REPS2: variants seen among roughly 807,000 people sequenced by gnomAD.
The protein encoded by REPS2 is ralBP1-associated Eps domain-containing protein 2.
REPS2 carries 23 observed loss-of-function variants against 53.6 expected under a neutral mutation model. The ratio of observed to expected loss-of-function variants is 0.43; its 90% CI spans 0.31 to 0.61. The LOEUF is 0.61. Ranked by LOEUF, REPS2 falls within the 20% of genes least tolerant of loss-of-function variation. The pLI, the probability that REPS2 is intolerant of heterozygous loss-of-function variation, is 0.11. For synonymous variants in REPS2, 238 were observed against 218.6 expected (o/e 1.09, Z -0.78); for missense variants, 446 against 534.9 (o/e 0.83, Z 1.64).
intron 1 of REPS2, among the ~76,000 whole-genome samples, chrX:16,988,591 C>T (rs1392186853): frequency 9.1e-6 from 1 of 109,447 alleles, no homozygotes; most frequent in Non-Finnish European, 1.9e-5. Flanking sequence ...AAATCAAAGT[C>T]TAAATAGATG....
chrX:16,947,563 G>T (rs1369679778), intron 1 of REPS2, among the ~76,000 whole-genome samples: 1 of 111,853 alleles, frequency 8.9e-6, no homozygotes. Flanking sequence ...CAACTTGAAG[G>T]GTGTGTGTGT....
In REPS2 at chrX:17,077,418, C is replaced by T. The variant is rs775606276; in HGVS notation, c.1516+11C>T. ...AGCCCAGTGTGCCAGGTGAAGTGCC[C>T]CTTGCCCCCTGAGCCCTTCCATTTC... On this transcript the variant is annotated intron_variant, in intron 13 of 17. Coordinates refer to ENST00000357277, the MANE Select transcript of REPS2 (RefSeq NM_004726.3). 3.4e-6 allele frequency: 4 copies of T among 1,182,815 alleles called. No individual in the cohort carries two copies. In the South Asian group the frequency reaches 7.7e-5, roughly 23 times the overall value.
intron 17 of REPS2, among the ~76,000 whole-genome samples, chrX:17,139,523 C>T (rs954750958): frequency 4.5e-5 from 5 of 111,136 alleles, no homozygotes; most frequent in Non-Finnish European, 9.4e-5. Context: ...TTACTCTCCC[C>T]TGTGTTAGTT....
the REPS2 span, among the ~76,000 whole-genome samples, chrX:17,191,058 T>G: frequency 9.0e-6 from 1 of 111,514 alleles, no homozygotes; most frequent in East Asian, 2.8e-4. Context: ...CAAGGAGTCC[T>G]TAGACACGAC....
intron 8 of REPS2, among the ~76,000 whole-genome samples, chrX:17,059,299 GT>G (rs1238336117): frequency 1.7e-3 from 133 of 77,905 alleles, no homozygotes; most frequent in Middle Eastern, 8.2e-3. Context: ...CCGGCCTAGT[GT>G]TTTTTTTTTT....
intron 16 of REPS2, chrX:17,136,631 A>G (rs1470852585): frequency 8.9e-6 from 1 of 112,304 alleles, no homozygotes; most frequent in Non-Finnish European, 1.9e-5. Context: ...CTTTTTTATA[A>G]CAGCTTTATT....
intron 17 of REPS2, among the ~76,000 whole-genome samples, chrX:17,142,516 C>G (rs2063459398): frequency 9.0e-6 from 1 of 111,515 alleles, no homozygotes; most frequent in South Asian, 3.7e-4. Flanking sequence ...CTCTCAAAAC[C>G]AAAGCATCTC....
At position 17,080,500 on chromosome X, in the gene REPS2, T is replaced by A. The variant is rs771302076; in HGVS notation, c.1516+3093T>A. Among the ~76,000 whole-genome samples the A allele has an allele frequency of 1.3e-4, 14 of 111,707 alleles. No homozygotes were observed. In the South Asian group the frequency reaches 4.5e-3, roughly 36 times the overall value. On this transcript the variant is annotated intron_variant, in intron 13 of 17. Transcript: ENST00000357277. ...ATTAATAATTTCATGTCCGTATCTTTGTTTCATCATCTAATTATTTTCTTA... is the reference window on the plus strand; with the variant it reads ...ATTAATAATTTCATGTCCGTATCTTAGTTTCATCATCTAATTATTTTCTTA...
intron 13 of REPS2, among the ~76,000 whole-genome samples, chrX:17,096,516 C>T (rs1181154835): frequency 1.4e-4 from 15 of 104,069 alleles, no homozygotes; most frequent in East Asian, 1.2e-3. Context: ...AAAAATTAGC[C>T]GGGCGTAGTG....
chrX:17,188,393 A>G, the REPS2 span, among the ~76,000 whole-genome samples: 1 of 112,068 alleles, frequency 8.9e-6, no homozygotes, highest in African/African-American at 3.2e-5. Context: ...TTATTTTCAC[A>G]TGCTTATCTG....
At chrX:17,115,432 A>G (rs1353707685) in intron 14 of REPS2, among the ~76,000 whole-genome samples, 1 of 112,583 alleles carries the variant, frequency 8.9e-6, no homozygotes, top group Non-Finnish European at 1.9e-5. Flanking sequence ...GATGGAACAT[A>G]CAATCGGGTT....
chrX:17,090,850 A>G (rs759257784), intron 13 of REPS2, among the ~76,000 whole-genome samples: 2 of 112,006 alleles, frequency 1.8e-5, no homozygotes, highest in Admixed American at 9.5e-5. Flanking sequence ...TAAAATTTTT[A>G]TAGTTTTAGC....
At chrX:17,007,039 G>A (rs1306641118) in intron 2 of REPS2, among the ~76,000 whole-genome samples, 1 of 112,264 alleles carries the variant, frequency 8.9e-6, no homozygotes, top group Non-Finnish European at 1.9e-5. Flanking sequence ...AAGGTCCTCT[G>A]ATAATTCAGT....
At chrX:17,169,010 C>G in the REPS2 span, among the ~76,000 whole-genome samples, 1 of 112,173 alleles carries the variant, frequency 8.9e-6, no homozygotes. Context: ...AAAGCAGAAA[C>G]TGCCATATTT....
chrX:17,002,580 T>C (rs2061320806), intron 1 of REPS2, among the ~76,000 whole-genome samples: 1 of 112,390 alleles, frequency 8.9e-6, no homozygotes, highest in Non-Finnish European at 1.9e-5. Flanking sequence ...AAACCCAGCA[T>C]AGAGGTTGAC....
chrX:17,133,746 C>T lies in REPS2; in HGVS notation c.1579-78C>T, dbSNP rs1237310830. On this transcript the variant is annotated intron_variant, in intron 14 of 17. Coordinates refer to ENST00000357277, the MANE Select transcript of REPS2 (RefSeq NM_004726.3). ...AAATCAGTTTTCCCTTGGTGACTAT[C>T]TTCCTAAGTGCTCTTTATTGTATAT... The T allele has an allele frequency of 1.0e-5, 9 of 883,446 alleles. No homozygotes were observed. The Admixed American group carries it at 2.0e-4, about 20-fold the overall frequency. 72.8% of individuals were successfully genotyped at this position (883,446 alleles called of 1,213,427 possible).
chrX:16,964,497 T>C (rs559689055), intron 1 of REPS2, among the ~76,000 whole-genome samples: 9 of 107,728 alleles, frequency 8.4e-5, no homozygotes, highest in African/African-American at 3.1e-4. Context: ...CTTTCTATTC[T>C]ACAAAACCGC....
chrX:16,949,488 A>G (rs1236865208), intron 1 of REPS2, among the ~76,000 whole-genome samples: 2 of 112,081 alleles, frequency 1.8e-5, no homozygotes, highest in Non-Finnish European at 1.9e-5. Flanking sequence ...GCTCACTGCA[A>G]CCTCTGCCTC....
At chrX:17,012,159 C>G (rs2061437349) in intron 2 of REPS2, among the ~76,000 whole-genome samples, 1 of 109,896 alleles carries the variant, frequency 9.1e-6, no homozygotes, top group African/African-American at 3.3e-5. Context: ...GAGGGTGGAT[C>G]ACGAGGTCAA....
Sources: gnomAD v4.1 joint callset for allele counts (sites outside exome capture counted in the v4.1 genomes callset) on GRCh38, gnomAD v4.1.1 for gene constraint, MANE v1.5 for transcripts, NCBI Gene and HGNC (gene_info 2026-07-23, HGNC 2026-07-21) for gene names.